Variants in NECAB3 observed in about 807,000 individuals in gnomAD.
The protein encoded by NECAB3 is N-terminal EF-hand calcium-binding protein 3.
NECAB3 carries 38 observed loss-of-function variants against 57.2 expected under a neutral mutation model. The ratio of observed to expected loss-of-function variants is 0.66; its 90% CI spans 0.51 to 0.87. NECAB3 has a LOEUF of 0.87. NECAB3 is among the 40% of genes least tolerant of loss of function. The probability of loss-of-function intolerance (pLI) is 0.00; values close to 1 mark genes in which losing one functional copy is unlikely to be tolerated. For synonymous variants in NECAB3, 223 were observed against 222.6 expected (o/e 1.00, Z -0.02); for missense variants, 474 against 527.5 (o/e 0.90, Z 0.99).
chr20:33,668,865 T>G (rs906594855), intron 5 of NECAB3, among the ~76,000 whole-genome samples: 1 of 152,242 alleles, frequency 6.6e-6, no homozygotes, highest in African/African-American at 2.4e-5. Flanking sequence ...CCTCAAGCCC[T>G]GGCTATCAGC....
At position 33,669,720 on chromosome 20, in the gene NECAB3, GAA is replaced by G. The variant is rs750380781; in HGVS notation, c.264-10_264-9del. 34 of 1,591,552 alleles carry G rather than the reference GAA, an allele frequency of 2.1e-5. No individual in the cohort carries two copies. Among genetic ancestry groups the G allele is most frequent in the Non-Finnish European group, 2.7e-5 (32 of 1,168,780 alleles). On this transcript the variant is annotated splice_polypyrimidine_tract_variant and intron_variant, in intron 3 of 11. Transcript: ENST00000246190. ...TTTTCTGTTTCTAAATTGCTGCAGG[GAA>G]AAGAGAAGGCGCCCTTCAGACCTGG...
chr20:33,667,652 T>C, intron 5 of NECAB3: 1 of 1,608,880 alleles, frequency 6.2e-7, no homozygotes, highest in Non-Finnish European at 8.5e-7. Context: ...GGCAGCACCC[T>C]GTCGCGCTAC....
intron 5 of NECAB3, chr20:33,667,829 G>C: frequency 6.2e-7 from 1 of 1,611,714 alleles, no homozygotes; most frequent in Non-Finnish European, 8.5e-7. Flanking sequence ...GTGGGTAACG[G>C]GTGCTGCGTC....
Position 33,657,703 on chromosome 20 carries a change from A to G in NECAB3, c.*126T>C. ...CCCAGTCCCTGATCCCTGGGCTGAG[A>G]GCCCTTCCACCAGGCCCAAGTCCAG... On this transcript the variant is annotated 3_prime_UTR_variant, in exon 12 of 12. Transcript: ENST00000246190. 2.1e-6 allele frequency: 2 copies of G among 937,538 alleles called. No homozygotes were observed. The highest frequency in any genetic ancestry group is 3.1e-6 in the Non-Finnish European group (2 of 641,190). The allele number at this position is 937,538 out of a possible 1,614,324, so 58.1% of individuals were successfully genotyped here.
At chr20:33,663,281 G>A in intron 5 of NECAB3, 1 of 550,330 alleles carries the variant, frequency 1.8e-6, no homozygotes, top group Non-Finnish European at 3.2e-6. Context: ...GTCTCAGGAA[G>A]TCAGCCTGGG....
In NECAB3 at chr20:33,667,889, G is replaced by A. The variant is rs1317218241; in HGVS notation, c.387+1486C>T. ...TGCCCCGAACCCATCTTCCAGCCGG[G>A]CCTGCTGGGCCAGGCTGAGCAGGGG... On this transcript the variant is annotated intron_variant, in intron 5 of 11. Coordinates refer to ENST00000246190, the MANE Select transcript of NECAB3 (RefSeq NM_031232.4). 6.3e-7 allele frequency: 1 copy of A among 1,587,852 alleles called. No individual in the cohort carries two copies. The highest frequency in any genetic ancestry group is 8.6e-7 in the Non-Finnish European group (1 of 1,167,546).
At chr20:33,668,472 C>T (rs1168100549) in intron 5 of NECAB3, 3 of 496,770 alleles carry the variant, frequency 6.0e-6, no homozygotes, top group Non-Finnish European at 7.0e-6. Context: ...GCTGCCTACC[C>T]ACAGGGCCCT....
intron 5 of NECAB3, chr20:33,668,021 TC>T: frequency 6.5e-7 from 1 of 1,542,676 alleles, no homozygotes; most frequent in Non-Finnish European, 8.8e-7. Flanking sequence ...TTTCCTGGCT[TC>T]GCCGAGCGCC....
In NECAB3 at chr20:33,660,444, C is replaced by A. The variant is rs370799918; in HGVS notation, c.388-49G>T. The stretch of plus-strand genomic sequence containing the variant: ...AGCATCTCCCAGCCCGGGCACTGAT[C>A]TCTTGAGTGGGTCCCCTGCCTCTTG... On this transcript the variant is annotated intron_variant, in intron 5 of 11. Transcript: ENST00000246190. The surrounding 1 kb of genome is among the most constrained non-coding windows in gnomAD (Gnocchi z 4.1). 6.3e-7 allele frequency: 1 copy of A among 1,598,284 alleles called. No individual in the cohort carries two copies.
In NECAB3 at chr20:33,663,234, G is replaced by C. The variant is rs1026250810; in HGVS notation, c.388-2839C>G. The C allele has an allele frequency of 3.2e-5, 15 of 472,210 alleles. No homozygotes were observed. The Admixed American group carries it at 3.7e-4, about 12-fold the overall frequency. 29.3% of individuals were successfully genotyped at this position (472,210 alleles called of 1,614,324 possible). ...GGAGGTGCTGAAAGCCCCTGACATA[G>C]GGCCTGGAAGGGATCTCATAAACTT... On this transcript the variant is annotated intron_variant, in intron 5 of 11. Transcript: ENST00000246190.
At chr20:33,658,401 A>T (rs2017351396) in intron 10 of NECAB3, 76 bp downstream of exon 10, 3 of 1,440,076 alleles carry the variant, frequency 2.1e-6, no homozygotes. Context: ...TGAGCGGGAG[A>T]GCAGAATTAG....
chr20:33,674,159 C>T (rs1366509240), intron 1 of NECAB3, 65 bp downstream of exon 1: 14 of 1,227,032 alleles, frequency 1.1e-5, no homozygotes, highest in Non-Finnish European at 1.4e-5. Context: ...CGAACAACCC[C>T]GGAGGGTGAG....
intron 3 of NECAB3, 151 bp downstream of exon 3, chr20:33,670,533 T>G: frequency 3.7e-6 from 2 of 547,670 alleles, no homozygotes; most frequent in Non-Finnish European, 6.4e-6. Context: ...GGAGAGGGGG[T>G]AGGCAGGCGG....
At position 33,674,424 on chromosome 20, in the gene NECAB3, T is replaced by C. The variant is rs1433546512; in HGVS notation, c.-72A>G. ...GACGCCGCGGCGGACTCGGTGTGGCTAGAGGCCGCCCCTTGGCGCCGGCGC... is the reference window on the plus strand; with the variant it reads ...GACGCCGCGGCGGACTCGGTGTGGCCAGAGGCCGCCCCTTGGCGCCGGCGC... On this transcript the variant is annotated 5_prime_UTR_variant, in exon 1 of 12. Transcript: ENST00000246190. 5.5e-6 allele frequency: 6 copies of C among 1,087,800 alleles called. No homozygotes were observed. Among genetic ancestry groups the C allele is most frequent in the African/African-American group, 3.4e-5 (2 of 59,630 alleles). 67.4% of individuals were successfully genotyped at this position (1,087,800 alleles called of 1,614,324 possible). A position where few individuals can be genotyped will look rare whatever the true frequency, so the allele number is the denominator to read the frequency against.
chr20:33,663,372 A>T, intron 5 of NECAB3: 2 of 735,300 alleles, frequency 2.7e-6, no homozygotes, highest in Non-Finnish European at 4.2e-6. Flanking sequence ...CCTGAATTGG[A>T]CAGGGGTCCC....
chr20:33,663,781 C>G (rs559209641), intron 5 of NECAB3: 1 of 1,432,222 alleles, frequency 7.0e-7, no homozygotes, highest in Non-Finnish European at 9.1e-7. Flanking sequence ...CTCGCGCTTC[C>G]GGTCCCCGGG....
chr20:33,670,728 C>T lies in NECAB3; in HGVS notation c.219G>A (p.Gly73=). ...TGCCGCTGAACAGTTCCTGCAGCTC[C>T]CCCAGGCTGAGAACCCCATCGGCAA... is the stretch of plus-strand genomic sequence containing the variant. ...NYFADGVLSL[G]ELQELFSGID... Residue 73 remains glycine, a synonymous_variant, in exon 3 of 12, where the codon GGG becomes GGA. Transcript: ENST00000246190. 6.2e-7 allele frequency: 1 copy of T among 1,614,066 alleles called. No individual in the cohort carries two copies. The highest frequency in any genetic ancestry group is 8.5e-7 in the Non-Finnish European group (1 of 1,179,972).
intron 5 of NECAB3, chr20:33,668,040 G>A (rs1477135221): frequency 4.5e-6 from 7 of 1,551,336 alleles, no homozygotes; most frequent in Non-Finnish European, 6.1e-6. Flanking sequence ...GCCTGGACAA[G>A]GAGCTGGAGG....
chr20:33,674,133 A>G, intron 1 of NECAB3, 91 bp downstream of exon 1: 1 of 1,197,892 alleles, frequency 8.3e-7, no homozygotes, highest in East Asian at 3.4e-5. Flanking sequence ...AGAGACCCAG[A>G]AACAGCGGCG....
Sources: gnomAD v4.1 joint callset for allele counts (sites outside exome capture counted in the v4.1 genomes callset) on GRCh38, gnomAD v4.1.1 for gene constraint, Gnocchi (gnomAD v3.1) non-coding constraint, MANE v1.5 for transcripts, NCBI Gene and HGNC (gene_info 2026-07-23, HGNC 2026-07-21) for gene names.